FAT4: variants seen among roughly 807,000 people sequenced by gnomAD.
The protein encoded by FAT4 is FAT atypical cadherin 4, also known as protocadherin Fat 4.
Under a neutral mutation model 303.9 loss-of-function variants are expected in FAT4, and 84 were observed. That is an observed-to-expected ratio of 0.28 (90% CI 0.23 to 0.33). FAT4 has a LOEUF of 0.33. Ranked by LOEUF, FAT4 falls within the 10% of genes least tolerant of loss-of-function variation. The pLI, the probability that FAT4 is intolerant of heterozygous loss-of-function variation, is 1.00. For synonymous variants in FAT4, 2,307 were observed against 2,298.8 expected (o/e 1.00, Z -0.10); for missense variants, 6,005 against 6,146.8 (o/e 0.98, Z 0.77).
chr4:125,447,538 G>A (rs566724392), intron 9 of FAT4, among the ~76,000 whole-genome samples: 1 of 152,208 alleles, frequency 6.6e-6, no homozygotes, highest in South Asian at 2.1e-4. Context: ...GTGTGGTGGT[G>A]CAAGATAAAA....
At chr4:125,466,889 C>G (rs1726682104) in intron 11 of FAT4, among the ~76,000 whole-genome samples, 1 of 151,824 alleles carries the variant, frequency 6.6e-6, no homozygotes, top group Admixed American at 6.6e-5. Flanking sequence ...ATTCTCCTGC[C>G]TCAGCCTCCC....
chr4:125,440,811 T>C (rs1465972970), intron 8 of FAT4, among the ~76,000 whole-genome samples: 1 of 152,130 alleles, frequency 6.6e-6, no homozygotes, highest in Non-Finnish European at 1.5e-5. Context: ...CTAAAATTCT[T>C]TGCTTTTCCT....
At chr4:125,359,375 TG>T (rs1262124059) in intron 2 of FAT4, among the ~76,000 whole-genome samples, 1 of 152,190 alleles carries the variant, frequency 6.6e-6, no homozygotes, top group Non-Finnish European at 1.5e-5. Flanking sequence ...AATGCTAAAC[TG>T]GCAATATATG....
chr4:125,343,915 G>A (rs1409996480), intron 2 of FAT4, among the ~76,000 whole-genome samples: 1 of 152,172 alleles, frequency 6.6e-6, no homozygotes, highest in Non-Finnish European at 1.5e-5. Flanking sequence ...GTGAAGAACA[G>A]TAATGAATTG....
chr4:125,485,678 C>T (rs1727383965), intron 16 of FAT4, among the ~76,000 whole-genome samples: 1 of 152,092 alleles, frequency 6.6e-6, no homozygotes, highest in African/African-American at 2.4e-5. Flanking sequence ...GCAGTACCCT[C>T]TAAAATAATG....
intron 9 of FAT4, among the ~76,000 whole-genome samples, chr4:125,448,036 T>C (rs965639237): frequency 2.0e-5 from 3 of 152,088 alleles, no homozygotes; most frequent in Non-Finnish European, 4.4e-5. Context: ...TGGAAGATAT[T>C]TTAAGACACA....
rs1484239847 is a variant in FAT4 at position 125,316,591 on chromosome 4, G to C, written c.180G>C (p.Leu60=). 2 of 1,613,982 alleles carry C rather than the reference G, an allele frequency of 1.2e-6. No individual in the cohort carries two copies. The highest frequency in any genetic ancestry group is 3.3e-5 in the Admixed American group (2 of 60,030). The part of the protein sequence containing the change: ...QVLEEQPPGT[L]VGTIQTRPGF... ...TGGAAGAGCAACCTCCAGGCACTCTGGTAGGCACCATCCAGACGCGCCCCG... is the reference window on the plus strand; with the variant it reads ...TGGAAGAGCAACCTCCAGGCACTCTCGTAGGCACCATCCAGACGCGCCCCG... Residue 60 remains leucine, a synonymous_variant, in exon 2 of 18, where the codon CTG becomes CTC. Transcript: ENST00000394329. The surrounding 1 kb of genome is among the most constrained non-coding windows in gnomAD (Gnocchi z 5.7).
chr4:125,414,991 A>G lies in FAT4; in HGVS notation c.6028A>G (p.Ser2010Gly), dbSNP rs1406220429. Residue 2010 changes from serine to glycine, a missense_variant, in exon 6 of 18, where the codon AGT (serine) becomes GGT (glycine). Ser to Gly is a moderately conservative substitution (Grantham distance 56). Transcript: ENST00000394329. Reference protein sequence around the residue: ...LKVLKALDRESQSFYNLVVQV... With the variant: ...LKVLKALDREGQSFYNLVVQV... ...AGTCCTAAAAGCTTTGGATCGGGAA[A>G]GTCAGTCCTTCTACAACTTGGTTGT... 6.2e-7 allele frequency: 1 copy of G among 1,613,942 alleles called. No homozygotes were observed. Among genetic ancestry groups the G allele is most frequent in the African/African-American group, 1.3e-5 (1 of 74,922 alleles).
intron 3 of FAT4, among the ~76,000 whole-genome samples, chr4:125,402,434 G>A (rs1734424271): frequency 6.6e-6 from 1 of 151,850 alleles, no homozygotes; most frequent in African/African-American, 2.4e-5. Context: ...CTTATTGAAA[G>A]TTTTTGTTAA....
At chr4:125,369,906 C>A (rs1343573299) in intron 2 of FAT4, among the ~76,000 whole-genome samples, 1 of 152,122 alleles carries the variant, frequency 6.6e-6, no homozygotes, top group Non-Finnish European at 1.5e-5. Flanking sequence ...TTTTACTTAG[C>A]ATAATGTCCT....
intron 10 of FAT4, among the ~76,000 whole-genome samples, chr4:125,460,208 C>T (rs1288445429): frequency 6.6e-6 from 1 of 151,910 alleles, no homozygotes; most frequent in Non-Finnish European, 1.5e-5. Flanking sequence ...ACTCTACCAC[C>T]AACAGATAAG....
chr4:125,330,826 T>C (rs993634211), intron 2 of FAT4, among the ~76,000 whole-genome samples: 1 of 152,170 alleles, frequency 6.6e-6, no homozygotes, highest in Non-Finnish European at 1.5e-5. Flanking sequence ...CTATTTCACT[T>C]ATAGTAAAAG....
intron 16 of FAT4, among the ~76,000 whole-genome samples, chr4:125,485,296 CTTTT>C (rs1329738519): frequency 6.6e-6 from 1 of 151,848 alleles, no homozygotes; most frequent in African/African-American, 2.4e-5. Flanking sequence ...AAATTTTTAA[CTTTT>C]TTCTCTTTTG....
At chr4:125,329,031 G>C (rs970264057) in intron 2 of FAT4, among the ~76,000 whole-genome samples, 2 of 151,980 alleles carry the variant, frequency 1.3e-5, no homozygotes, top group African/African-American at 4.8e-5. Flanking sequence ...GATTACTTTA[G>C]GTCCCTATCA....
rs1238592280 is a variant in FAT4, at chr4:125,490,290, G to A, written c.13474G>A (p.Val4492Ile). The change falls in exon 18 of 18, where the codon GTT (valine) becomes ATT (isoleucine). Residue 4492 changes from valine (V) to isoleucine (I), a missense_variant. Physicochemically the swap from Val to Ile is conservative, Grantham distance 29. Transcript: ENST00000394329. ...KAGSPAGHVCVLSQGPEEISL... is the reference protein window; with the variant it reads ...KAGSPAGHVCILSQGPEEISL... Reference sequence around the variant, plus strand: ...TGGAAGTCCTGCGGGGCATGTCTGTGTTCTGAGTCAGGGCCCTGAAGAGAT... The same window carrying A: ...TGGAAGTCCTGCGGGGCATGTCTGTATTCTGAGTCAGGGCCCTGAAGAGAT... 2 of 1,614,166 alleles carry A rather than the reference G, an allele frequency of 1.2e-6. No homozygotes were observed. Among genetic ancestry groups the A allele is most frequent in the South Asian group, 1.1e-5 (1 of 91,090 alleles).
intron 11 of FAT4, among the ~76,000 whole-genome samples, chr4:125,466,687 C>T (rs1197826468): frequency 6.6e-6 from 1 of 150,394 alleles, no homozygotes; most frequent in Non-Finnish European, 1.5e-5. Flanking sequence ...TATGACATAA[C>T]ATATATATCA....
At chr4:125,381,180 T>A (rs370445403) in intron 2 of FAT4, among the ~76,000 whole-genome samples, 3 of 152,162 alleles carry the variant, frequency 2.0e-5, no homozygotes, top group East Asian at 3.9e-4. Flanking sequence ...ACCCAGTTAG[T>A]CAGTCTCTTG....
At position 125,449,009 on chromosome 4, in the gene FAT4, A is replaced by G; in HGVS notation, c.7999A>G (p.Asn2667Asp). The change falls in exon 10 of 18, where the codon AAT becomes GAT. Residue 2667 changes from asparagine to aspartate, a missense_variant. Transcript: ENST00000394329. ...TATAACAGTATTAGATGTCAATGAT[A>G]ATGCCCCAATTTTTAAGGAAGACCC... ...LDITVLDVND[N>D]APIFKEDPFI... 6.2e-7 allele frequency: 1 copy of G among 1,613,832 alleles called. No homozygotes were observed. Among genetic ancestry groups the G allele is most frequent in the Non-Finnish European group, 8.5e-7 (1 of 1,179,842 alleles).
intron 8 of FAT4, among the ~76,000 whole-genome samples, chr4:125,445,722 A>G (rs1217183975): frequency 1.3e-5 from 2 of 152,146 alleles, no homozygotes; most frequent in African/African-American, 2.4e-5. Flanking sequence ...TCCTGACAAG[A>G]AAGCAACAAA....
Sources: allele counts gnomAD v4.1 joint callset (sites outside exome capture counted in the v4.1 genomes callset), GRCh38; gene constraint gnomAD v4.1.1; non-coding constraint Gnocchi (gnomAD v3.1); transcripts MANE v1.5; gene names NCBI Gene and HGNC (gene_info 2026-07-23, HGNC 2026-07-21).